IFIT2: variants seen among roughly 807,000 people sequenced by gnomAD.
IFIT2 encodes interferon induced protein with tetratricopeptide repeats 2, also known as interferon-induced protein with tetratricopeptide repeats 2.
In IFIT2, 3 loss-of-function variants were observed where a neutral mutation model predicts 2.5. The ratio of observed to expected loss-of-function variants is 1.21; its 90% CI spans 0.55 to 3.14. The LOEUF (loss-of-function observed/expected upper bound fraction) is 3.14. Ranked by LOEUF, IFIT2 falls within the 30% of genes most tolerant of loss-of-function variation. IFIT2 has a pLI of 0.03. For missense variants in IFIT2, 493 were observed against 558.9 expected (o/e 0.88, Z 1.19); for synonymous variants, 212 against 200.7 (o/e 1.06, Z -0.48).
rs1437268186 is a variant in IFIT2, at chr10:89,308,402, C to T, written c.*1027C>T. On this transcript the variant is annotated 3_prime_UTR_variant, in exon 2 of 2. Coordinates refer to ENST00000371826, the MANE Select transcript of IFIT2 (RefSeq NM_001547.5). The stretch of plus-strand genomic sequence containing the variant: ...TTGAGACGGTAGGAAAGCAACAAAA[C>T]GTGGGAACCTGGTGACTAAGGGCCT... The T allele has an allele frequency of 6.6e-6, 1 of 151,626 alleles. No homozygotes were observed. The highest frequency in any genetic ancestry group is 1.5e-5 in the Non-Finnish European group (1 of 67,944). The allele number at this position is 151,626 out of a possible 1,614,324, so 9.4% of individuals were successfully genotyped here. A position where few individuals can be genotyped will look rare whatever the true frequency, so the allele number is the denominator to read the frequency against.
rs1294729489 is a variant in IFIT2, at chr10:89,307,577, T to TG, written c.*208dup. On this transcript the variant is annotated 3_prime_UTR_variant, in exon 2 of 2. Transcript: ENST00000371826. ...AGGAGTTCTGGGAGAGGGACCAGAT[T>TG]GGGGGGTAGGTCCACGGGCTTGGTG... 8.0e-6 allele frequency: 4 copies of TG among 503,120 alleles called. No individual in the cohort carries two copies. The highest frequency in any genetic ancestry group is 6.9e-5 in the Admixed American group (2 of 29,194). The allele number at this position is 503,120 out of a possible 1,614,324, so 31.2% of individuals were successfully genotyped here. A position where few individuals can be genotyped will look rare whatever the true frequency, so the allele number is the denominator to read the frequency against.
chr10:89,307,250 G>T lies in IFIT2; in HGVS notation c.1294G>T (p.Ala432Ser). 3.1e-6 allele frequency: 5 copies of T among 1,613,978 alleles called. No individual in the cohort carries two copies. The highest frequency in any genetic ancestry group is 4.2e-6 in the Non-Finnish European group (5 of 1,179,950). Reference protein sequence around the residue: ...RLSKNGADSEALHVLAFLQEL... With the variant: ...RLSKNGADSESLHVLAFLQEL... ...TTCTAAAAATGGAGCAGATTCTGAG[G>T]CTTTGCATGTCTTGGCATTCCTTCA... The change falls in exon 2 of 2, where the codon GCT becomes TCT. Residue 432 changes from alanine to serine, a missense_variant. Coordinates refer to ENST00000371826, the MANE Select transcript of IFIT2 (RefSeq NM_001547.5).
chr10:89,308,312 T>G lies in IFIT2; in HGVS notation c.*937T>G, dbSNP rs2133523939. The G allele has an allele frequency of 6.6e-6, 1 of 152,190 alleles. No individual in the cohort carries two copies. The highest frequency in any genetic ancestry group is 1.9e-4 in the East Asian group (1 of 5,186). 9.4% of individuals were successfully genotyped at this position (152,190 alleles called of 1,614,324 possible). A position where few individuals can be genotyped will look rare whatever the true frequency, so the allele number is the denominator to read the frequency against. ...GAAATTTGCAGTATTTTAGCCACTATTAGGAATTTTTTTTTTTTGTAAAAT... is the reference window on the plus strand; with the variant it reads ...GAAATTTGCAGTATTTTAGCCACTAGTAGGAATTTTTTTTTTTTGTAAAAT... On this transcript the variant is annotated 3_prime_UTR_variant, in exon 2 of 2. Coordinates refer to ENST00000371826, the MANE Select transcript of IFIT2 (RefSeq NM_001547.5).
chr10:89,302,158 G>A, intron 1 of IFIT2, 30 bp downstream of exon 1: 1 of 1,612,696 alleles, frequency 6.2e-7, no homozygotes, highest in Non-Finnish European at 8.5e-7. Flanking sequence ...ATTCGGTAGT[G>A]CTGTTGAGTC....
At position 89,307,063 on chromosome 10, in the gene IFIT2, G is replaced by A. The variant is rs374921431; in HGVS notation, c.1107G>A (p.Ala369=). The change falls in exon 2 of 2, where the codon GCG becomes GCA. Residue 369 remains alanine, a synonymous_variant. Coordinates refer to ENST00000371826, the MANE Select transcript of IFIT2 (RefSeq NM_001547.5). Reference sequence around the variant, plus strand: ...TCAGTAAAGAGCTTACTCCTGTAGCGAAACAACTGCTCCATCTGCGGTATG... The same window carrying A: ...TCAGTAAAGAGCTTACTCCTGTAGCAAAACAACTGCTCCATCTGCGGTATG... ...KEFSKELTPV[A]KQLLHLRYGN... The A allele has an allele frequency of 4.6e-5, 75 of 1,613,922 alleles. No individual in the cohort carries two copies. The Middle Eastern group carries it at 1.2e-3, about 25-fold the overall frequency.
chr10:89,307,133 C>G lies in IFIT2; in HGVS notation c.1177C>G (p.His393Asp). 6.2e-7 allele frequency: 1 copy of G among 1,613,938 alleles called. No homozygotes were observed. The highest frequency in any genetic ancestry group is 8.5e-7 in the Non-Finnish European group (1 of 1,179,908). ...YQMKCEDKAI[H>D]HFIEGVKINQ... is the part of the protein sequence containing the mutation. ...AATGAAGTGTGAAGACAAGGCCATC[C>G]ACCACTTTATAGAGGGTGTAAAAAT... Residue 393 changes from histidine (H) to aspartate (D), a missense_variant, in exon 2 of 2, where the codon CAC (histidine) becomes GAC (aspartate). Coordinates refer to ENST00000371826, the MANE Select transcript of IFIT2 (RefSeq NM_001547.5).
At chr10:89,305,051 T>C (rs1390530122) in intron 1 of IFIT2, among the ~76,000 whole-genome samples, 1 of 151,492 alleles carries the variant, frequency 6.6e-6, no homozygotes, top group East Asian at 1.9e-4. Flanking sequence ...CTCAATGAGA[T>C]GTGTTAAGAA....
At position 89,306,358 on chromosome 10, in the gene IFIT2, G is replaced by A. The variant is rs1333532216; in HGVS notation, c.402G>A (p.Glu134=). The stretch of plus-strand genomic sequence containing the variant: ...AGTTTTCCAGTCCCTATAGAATTGA[G>A]AGTCCAGAGCTTGACTGTGAGGAAG... ...CEKFSSPYRI[E]SPELDCEEGW... Residue 134 remains glutamate, a synonymous_variant, in exon 2 of 2, where the codon GAG becomes GAA. Coordinates refer to ENST00000371826, the MANE Select transcript of IFIT2 (RefSeq NM_001547.5). 1 of 1,614,166 alleles carries A rather than the reference G, an allele frequency of 6.2e-7. No homozygotes were observed. The highest frequency in any genetic ancestry group is 8.5e-7 in the Non-Finnish European group (1 of 1,180,012).
Position 89,307,313 on chromosome 10 carries a change from T to C in IFIT2, c.1357T>C (p.Ser453Pro). ...AAAAATGCAACAAGCAGATGAAGAC[T>C]CTGAGAGGGGTTTGGAGTCTGGAAG... is the stretch of plus-strand genomic sequence containing the variant. ...NEKMQQADED[S>P]ERGLESGSLI... The change falls in exon 2 of 2, where the codon TCT (serine) becomes CCT (proline). Residue 453 changes from serine to proline, a missense_variant. Physicochemically the swap from Ser to Pro is moderately conservative, Grantham distance 74 (BLOSUM62 -1). Transcript: ENST00000371826. 1 of 1,613,572 alleles carries C rather than the reference T, an allele frequency of 6.2e-7. No homozygotes were observed. The highest frequency in any genetic ancestry group is 1.3e-5 in the African/African-American group (1 of 74,982).
Position 89,305,995 on chromosome 10 carries a change from A to G in IFIT2, c.39A>G (p.Leu13=), listed in dbSNP as rs1383874196. The change falls in exon 2 of 2, where the codon CTA becomes CTG. Residue 13 remains leucine (L), a synonymous_variant. Coordinates refer to ENST00000371826, the MANE Select transcript of IFIT2 (RefSeq NM_001547.5). Reference sequence around the variant, plus strand: ...ATAAGAATTCCTTGGAGAGCAGCCTACGGCAACTAAAATGCCATTTCACCT... The same window carrying G: ...ATAAGAATTCCTTGGAGAGCAGCCTGCGGCAACTAAAATGCCATTTCACCT... ...ENNKNSLESS[L]RQLKCHFTWN... The G allele has an allele frequency of 8.7e-6, 14 of 1,613,788 alleles. No homozygotes were observed. The highest frequency in any genetic ancestry group is 2.2e-5 in the East Asian group (1 of 44,876).
At position 89,305,996 on chromosome 10, in the gene IFIT2, C is replaced by G. The variant is rs777976445; in HGVS notation, c.40C>G (p.Arg14Gly). 3.7e-6 allele frequency: 6 copies of G among 1,613,496 alleles called. No homozygotes were observed. The South Asian group carries it at 5.5e-5, about 15-fold the overall frequency. The part of the protein sequence containing the change: ...NNKNSLESSL[R>G]QLKCHFTWNL... ...TAAGAATTCCTTGGAGAGCAGCCTA[C>G]GGCAACTAAAATGCCATTTCACCTG... is the stretch of plus-strand genomic sequence containing the variant. Residue 14 changes from arginine (R) to glycine (G), a missense_variant, in exon 2 of 2, where the codon CGG becomes GGG. Transcript: ENST00000371826.
At chr10:89,303,560 A>G (rs1332991536) in intron 1 of IFIT2, among the ~76,000 whole-genome samples, 1 of 152,220 alleles carries the variant, frequency 6.6e-6, no homozygotes, top group Non-Finnish European at 1.5e-5. Flanking sequence ...CTAACTTACC[A>G]GTGGAAATAA....
In IFIT2 at chr10:89,305,958, A is replaced by G. The variant is rs761435885; in HGVS notation, c.6-4A>G. ...AAAGTCCATCTTTGTGTTTTTCCCT[A>G]CAGTGAGAACAATAAGAATTCCTTG... On this transcript the variant is annotated splice_region_variant and splice_polypyrimidine_tract_variant and intron_variant, in intron 1 of 1. Coordinates refer to ENST00000371826, the MANE Select transcript of IFIT2 (RefSeq NM_001547.5). 6 of 1,599,870 alleles carry G rather than the reference A, an allele frequency of 3.8e-6. No homozygotes were observed. The highest frequency in any genetic ancestry group is 4.5e-5 in the East Asian group (2 of 44,708).
intron 1 of IFIT2, among the ~76,000 whole-genome samples, chr10:89,303,984 C>T (rs1843462141): frequency 6.6e-6 from 1 of 152,154 alleles, no homozygotes; most frequent in South Asian, 2.1e-4. Flanking sequence ...CTGAGCCCTC[C>T]AAGCTCCCCA....
At chr10:89,302,229 T>G in intron 1 of IFIT2, 101 bp downstream of exon 1, 1 of 1,261,006 alleles carries the variant, frequency 7.9e-7, no homozygotes. Context: ...TCCATTTTAG[T>G]GTTTGTTTAT....
Position 89,307,218 on chromosome 10 carries a change from T to C in IFIT2, c.1262T>C (p.Met421Thr). ...GACAAACTGCAAAAAATTGCCAAAA[T>C]GCGACTTTCTAAAAATGGAGCAGAT... is the stretch of plus-strand genomic sequence containing the variant. ...MKDKLQKIAK[M>T]RLSKNGADSE... Residue 421 changes from methionine to threonine, a missense_variant, in exon 2 of 2, where the codon ATG (methionine) becomes ACG (threonine). Transcript: ENST00000371826. 1 of 1,613,952 alleles carries C rather than the reference T, an allele frequency of 6.2e-7. No individual in the cohort carries two copies. Among genetic ancestry groups the C allele is most frequent in the Non-Finnish European group, 8.5e-7 (1 of 1,179,928 alleles).
At chr10:89,305,930 C>T (rs1392403631) in intron 1 of IFIT2, 32 bp from the exon 2 acceptor site, 2 of 1,487,604 alleles carry the variant, frequency 1.3e-6, no homozygotes, top group Non-Finnish European at 1.9e-6. Flanking sequence ...AAATCTGTGT[C>T]TCAAAGTCCA....
In IFIT2 at chr10:89,306,197, A is replaced by T; in HGVS notation, c.241A>T (p.Ile81Phe). The part of the protein sequence containing the change: ...LECLRKAEEL[I>F]QQEHADQAEI... Reference sequence around the variant, plus strand: ...ATGCTTACGTAAAGCTGAAGAGTTAATCCAGCAAGAGCATGCTGACCAGGC... The same window carrying T: ...ATGCTTACGTAAAGCTGAAGAGTTATTCCAGCAAGAGCATGCTGACCAGGC... Residue 81 changes from isoleucine to phenylalanine, a missense_variant, in exon 2 of 2, where the codon ATC becomes TTC. By Grantham distance (21) the Ile-to-Phe change is conservative. Coordinates refer to ENST00000371826, the MANE Select transcript of IFIT2 (RefSeq NM_001547.5). 1 of 1,614,196 alleles carries T rather than the reference A, an allele frequency of 6.2e-7. No homozygotes were observed. The highest frequency in any genetic ancestry group is 8.5e-7 in the Non-Finnish European group (1 of 1,180,014).
chr10:89,308,789 AAC>A lies in IFIT2; in HGVS notation c.*1416_*1417del, dbSNP rs1843499480. 1 of 152,224 alleles carries A rather than the reference AAC, an allele frequency of 6.6e-6. No individual in the cohort carries two copies. The highest frequency in any genetic ancestry group is 6.5e-5 in the Admixed American group (1 of 15,282). The allele number at this position is 152,224 out of a possible 1,614,324, so 9.4% of individuals were successfully genotyped here. On this transcript the variant is annotated 3_prime_UTR_variant, in exon 2 of 2. Coordinates refer to ENST00000371826, the MANE Select transcript of IFIT2 (RefSeq NM_001547.5). ...TAAAGTTAAAAATTCTAACCACTGT[AAC>A]AACAGTTTTTGTGTTATTTTCTGTA...
Sources: allele counts gnomAD v4.1 joint callset (sites outside exome capture counted in the v4.1 genomes callset), GRCh38; gene constraint gnomAD v4.1.1; transcripts MANE v1.5; gene names NCBI Gene and HGNC (gene_info 2026-07-23, HGNC 2026-07-21).